Variants in ZC3H12B observed in about 807,000 individuals in gnomAD.
ZC3H12B encodes probable ribonuclease ZC3H12B.
Under a neutral mutation model 43.9 loss-of-function variants are expected in ZC3H12B, and 7 were observed. The observed-to-expected ratio is 0.16, with a 90% CI of 0.09 to 0.30. ZC3H12B has a LOEUF of 0.30. Ranked by LOEUF, ZC3H12B falls within the 10% of genes least tolerant of loss-of-function variation. The pLI is 1.00. For synonymous variants in ZC3H12B, 222 were observed against 241.7 expected, an observed-to-expected ratio of 0.92 and a Z score of 0.76; for missense variants, 475 against 670.2, an observed-to-expected ratio of 0.71 and a Z score of 3.22.
the ZC3H12B span, among the ~76,000 whole-genome samples, chrX:65,136,601 G>T: frequency 1.8e-5 from 2 of 111,245 alleles, no homozygotes; most frequent in Non-Finnish European, 3.8e-5. Context: ...CCTTTGGCTA[G>T]AGAGAGCAGG....
chrX:65,502,410 A>G (rs1438261277), exon 5 of ZC3H12B: 1 of 1,210,893 alleles, frequency 8.3e-7, no homozygotes, highest in Non-Finnish European at 1.1e-6. Context: ...GCTGAAGTAG[A>G]CCGGGGGGTG....
chrX:65,274,766 T>A, the ZC3H12B span, among the ~76,000 whole-genome samples: 3 of 111,077 alleles, frequency 2.7e-5, no homozygotes, highest in Admixed American at 2.9e-4. Flanking sequence ...CCAATGGCCA[T>A]GTGCCCCCAA....
the ZC3H12B span, among the ~76,000 whole-genome samples, chrX:65,233,104 T>C: frequency 4.4e-3 from 488 of 112,170 alleles, no homozygotes; most frequent in South Asian, 0.019. Flanking sequence ...AAGCAAATAT[T>C]ATCTATGCTA....
At chrX:65,196,381 T>C in the ZC3H12B span, among the ~76,000 whole-genome samples, 1 of 111,387 alleles carries the variant, frequency 9.0e-6, no homozygotes, top group Non-Finnish European at 1.9e-5. Flanking sequence ...AAGTCATTGG[T>C]GCCCACTCGA....
intron 3 of ZC3H12B, among the ~76,000 whole-genome samples, chrX:65,419,898 G>C (rs1250817111): frequency 1.8e-5 from 2 of 111,334 alleles, no homozygotes; most frequent in Non-Finnish European, 3.8e-5. Flanking sequence ...AGGCTTCAGT[G>C]GACCCAGGAT....
the ZC3H12B span, among the ~76,000 whole-genome samples, chrX:65,119,063 G>C: frequency 1.8e-5 from 2 of 110,992 alleles, no homozygotes; most frequent in Non-Finnish European, 3.8e-5. Context: ...TGGACATTTG[G>C]GTTGGTTCCA....
At chrX:65,157,938 A>G in the ZC3H12B span, among the ~76,000 whole-genome samples, 1 of 69,082 alleles carries the variant, frequency 1.4e-5, no homozygotes, top group Non-Finnish European at 2.8e-5. Flanking sequence ...CCACCCCACA[A>G]CAGGCCCCAG....
In ZC3H12B at chrX:65,451,694, G is replaced by A. The variant is rs190413492; in HGVS notation, n.408-36952G>A. On this transcript the variant is annotated intron_variant and non_coding_transcript_variant, in intron 3 of 5. Coordinates refer to the ZC3H12B transcript ENST00000617377. ...CAGCTACCTCTTCTAGTCTTTATGG[G>A]ATGTCTTTGTAAATGGGAAGATCTT... is the stretch of plus-strand genomic sequence containing the variant. Among the ~76,000 whole-genome samples, 10 of 111,816 alleles carry A rather than the reference G, an allele frequency of 8.9e-5. No individual in the cohort carries two copies. The East Asian group carries it at 2.8e-3, about 31-fold the overall frequency.
chrX:65,421,902 C>G (rs2067022419), intron 3 of ZC3H12B, among the ~76,000 whole-genome samples: 1 of 105,944 alleles, frequency 9.4e-6, no homozygotes, highest in African/African-American at 3.5e-5. Flanking sequence ...GAGCCGAGAT[C>G]GTGCCACTGC....
chrX:65,416,947 C>T (rs988474124), intron 3 of ZC3H12B, among the ~76,000 whole-genome samples: 1 of 111,928 alleles, frequency 8.9e-6, no homozygotes, highest in Non-Finnish European at 1.9e-5. Context: ...ATACTGAAAA[C>T]TCTTAGGTCT....
chrX:65,220,894 A>G, the ZC3H12B span, among the ~76,000 whole-genome samples: 1 of 111,756 alleles, frequency 8.9e-6, no homozygotes, highest in African/African-American at 3.3e-5. Context: ...ACTGCAGAAT[A>G]TACATTCTAA....
In ZC3H12B at chrX:65,385,566, T is replaced by C. The variant is rs547546603; in HGVS notation, n.296-13027T>C. 1.2e-3 allele frequency among the ~76,000 whole-genome samples: 140 copies of C among 112,185 alleles called. 1 individual carries two copies. Among genetic ancestry groups the C allele is most frequent in the South Asian group, 0.011 (31 of 2,724 alleles). ...GATTTTGGGCTGAGATGATGGGGTT[T>C]TCTAAATATACAATATCATCTGCAA... On this transcript the variant is annotated intron_variant and non_coding_transcript_variant, in intron 2 of 5. Coordinates refer to the ZC3H12B transcript ENST00000617377.
chrX:65,084,519 T>C, the ZC3H12B span, among the ~76,000 whole-genome samples: 2 of 112,469 alleles, frequency 1.8e-5, no homozygotes, highest in Non-Finnish European at 3.8e-5. Flanking sequence ...CTCAACGTCA[T>C]TGATCATCAG....
At chrX:65,363,517 G>A (rs1448772349), upstream of ZC3H12B, among the ~76,000 whole-genome samples, 1 of 111,419 alleles carries the variant, frequency 9.0e-6, no homozygotes, top group African/African-American at 3.3e-5. Context: ...AGGAAATCTA[G>A]CTGATCCCAT....
intron 3 of ZC3H12B, among the ~76,000 whole-genome samples, chrX:65,462,476 G>C (rs748672428): frequency 8.9e-6 from 1 of 111,800 alleles, no homozygotes; most frequent in African/African-American, 3.2e-5. Flanking sequence ...CACTGTGCCT[G>C]AGGGACAAAG....
chrX:65,286,939 G>T, the ZC3H12B span, among the ~76,000 whole-genome samples: 1 of 110,547 alleles, frequency 9.0e-6, no homozygotes, highest in African/African-American at 3.3e-5. Flanking sequence ...AAACAAAAAA[G>T]ACAAAATCAT....
the ZC3H12B span, among the ~76,000 whole-genome samples, chrX:65,182,387 C>G: frequency 9.0e-6 from 1 of 110,940 alleles, no homozygotes; most frequent in African/African-American, 3.3e-5. Context: ...CCTGCACGTT[C>G]TGCACATGTA....
At chrX:65,201,639 CCT>C in the ZC3H12B span, among the ~76,000 whole-genome samples, 2,464 of 64,420 alleles carry the variant, frequency 0.038, 63 homozygotes, top group South Asian at 0.093. Flanking sequence ...TGAAAGATCA[CCT>C]CTCTCTCTCT....
At chrX:65,057,128 G>A in the ZC3H12B span, among the ~76,000 whole-genome samples, 122 of 111,018 alleles carry the variant, frequency 1.1e-3, no homozygotes, top group Middle Eastern at 4.7e-3. Flanking sequence ...ATCTTGTCAC[G>A]ATATTAGCTG....
Sources: gnomAD v4.1 joint callset for allele counts (sites outside exome capture counted in the v4.1 genomes callset) on GRCh38, gnomAD v4.1.1 for gene constraint, MANE v1.5 for transcripts, NCBI Gene and HGNC (gene_info 2026-07-23, HGNC 2026-07-21) for gene names.